The following NUMB variants were observed in gnomAD, a reference collection of about 807,000 sequenced individuals.
NUMB encodes NUMB endocytic adaptor protein, also known as protein numb homolog.
NUMB carries 29 observed loss-of-function variants against 59.7 expected under a neutral mutation model. That is an observed-to-expected ratio of 0.49 (90% CI 0.36 to 0.66). The LOEUF (loss-of-function observed/expected upper bound fraction) is 0.66. Among genes scored for constraint, NUMB ranks in the 30% least tolerant of loss-of-function variants. The probability of loss-of-function intolerance (pLI) is 0.00; values close to 1 mark genes in which losing one functional copy is unlikely to be tolerated. For synonymous variants in NUMB, 288 were observed against 288.2 expected (o/e 1.00, Z 0.01); for missense variants, 723 against 822.0 (o/e 0.88, Z 1.47).
intron 4 of NUMB, among the ~76,000 whole-genome samples, chr14:73,323,663 T>C (rs1891519242): frequency 6.6e-6 from 1 of 152,042 alleles, no homozygotes; most frequent in Non-Finnish European, 1.5e-5. Context: ...CAAACAAAAA[T>C]GACAGTTTTT....
At position 73,284,181 on chromosome 14, in the gene NUMB, A is replaced by C; in HGVS notation, c.849T>G (p.Leu283=). 3 of 1,614,224 alleles carry C rather than the reference A, an allele frequency of 1.9e-6. No individual in the cohort carries two copies. Among genetic ancestry groups the C allele is most frequent in the South Asian group, 2.2e-5 (2 of 91,086 alleles). The change falls in exon 10 of 13, where the codon CTT becomes CTG. Residue 283 remains leucine, a synonymous_variant. Transcript: ENST00000555238. The stretch of plus-strand genomic sequence containing the variant: ...GTTTAAAGGGTGACATCTTCTGGCT[A>C]AGAGCAGGAAAACCTCGGAAAGAGC... ...RQGSFRGFPA[L]SQKMSPFKRQ...
At chr14:73,422,852 G>A (rs140709489) in intron 1 of NUMB, among the ~76,000 whole-genome samples, 17 of 148,664 alleles carry the variant, frequency 1.1e-4, no homozygotes, top group East Asian at 4.0e-4. Flanking sequence ...ACATTTCAAC[G>A]TCAGATGTGG....
Position 73,434,163 on chromosome 14 carries a change from A to T in NUMB, c.-232-24095T>A, listed in dbSNP as rs180948304. On this transcript the variant is annotated intron_variant, in intron 1 of 12. Transcript: ENST00000555238. ...ACAATGATATGCTCAACAACAAAGTAAAACTGACTACATTTAATTTAATCC... is the reference window on the plus strand; with the variant it reads ...ACAATGATATGCTCAACAACAAAGTTAAACTGACTACATTTAATTTAATCC... Among the ~76,000 whole-genome samples, 65 of 152,338 alleles carry T rather than the reference A, an allele frequency of 4.3e-4. No individual in the cohort carries two copies. In the East Asian group the frequency reaches 0.011, roughly 25 times the overall value.
Position 73,282,406 on chromosome 14 carries a change from A to G in NUMB, c.1049T>C (p.Met350Thr), listed in dbSNP as rs1305840086. The G allele has an allele frequency of 6.2e-7, 1 of 1,614,120 alleles. No homozygotes were observed. Among genetic ancestry groups the G allele is most frequent in the African/African-American group, 1.3e-5 (1 of 74,934 alleles). The change falls in exon 11 of 13, where the codon ATG becomes ACG. Residue 350 changes from methionine to threonine, a missense_variant. By Grantham distance (81) the Met-to-Thr change is moderately conservative. Transcript: ENST00000555238. ...TGCCACCACTGTCACTGGTTTGGTC[A>G]TCGGAGCAGATGAGAAGGGGTCCTC... Reference protein sequence around the residue: ...TPEDPFSSAPMTKPVTVVAPQ... With the variant: ...TPEDPFSSAPTTKPVTVVAPQ...
At chr14:73,323,259 T>C in intron 4 of NUMB, 55 bp from the exon 5 acceptor site, 3 of 1,194,034 alleles carry the variant, frequency 2.5e-6, no homozygotes, top group East Asian at 2.4e-5. Context: ...GTAGCTACTA[T>C]ACAGTAAGCA....
At chr14:73,399,975 G>A (rs1445213342) in intron 2 of NUMB, among the ~76,000 whole-genome samples, 1 of 151,700 alleles carries the variant, frequency 6.6e-6, no homozygotes, top group Non-Finnish European at 1.5e-5. Context: ...GGAGATGGAG[G>A]TTGCAGTGAG....
chr14:73,351,477 ACT>A (rs1285002062), intron 4 of NUMB, among the ~76,000 whole-genome samples: 2 of 151,966 alleles, frequency 1.3e-5, no homozygotes, highest in Admixed American at 6.6e-5. Flanking sequence ...ACAGAGCAAG[ACT>A]CTGTCTCATA....
intron 1 of NUMB, among the ~76,000 whole-genome samples, chr14:73,455,711 A>G (rs1395645336): frequency 1.3e-5 from 2 of 152,192 alleles, no homozygotes; most frequent in African/African-American, 4.8e-5. Flanking sequence ...TTTACTCTCT[A>G]AAAAGGAAAT....
Position 73,276,155 on chromosome 14 carries a change from G to A in NUMB, c.*423C>T, listed in dbSNP as rs540535310. On this transcript the variant is annotated 3_prime_UTR_variant, in exon 13 of 13. Transcript: ENST00000555238. ...AGCCTGAGCACAAACCACTCTTCTT[G>A]ATCTCTAATACAGGCCACTACTGAC... is the stretch of plus-strand genomic sequence containing the variant. 8.1e-4 allele frequency: 131 copies of A among 160,834 alleles called. No individual in the cohort carries two copies. The highest frequency in any genetic ancestry group is 1.6e-3 in the Non-Finnish European group (118 of 72,730). The allele number at this position is 160,834 out of a possible 1,614,324, so 10.0% of individuals were successfully genotyped here.
At chr14:73,325,765 G>A (rs1438902762) in intron 4 of NUMB, among the ~76,000 whole-genome samples, 1 of 152,162 alleles carries the variant, frequency 6.6e-6, no homozygotes, top group Non-Finnish European at 1.5e-5. Flanking sequence ...AGAGAGTACA[G>A]GAGTCCCCCT....
At chr14:73,360,454 A>C (rs1894044502) in intron 3 of NUMB, among the ~76,000 whole-genome samples, 1 of 152,168 alleles carries the variant, frequency 6.6e-6, no homozygotes, top group African/African-American at 2.4e-5. Flanking sequence ...GCTACTCGGG[A>C]GGCTGAGGCA....
chr14:73,284,043 G>C, intron 10 of NUMB, 38 bp downstream of exon 10: 1 of 1,584,092 alleles, frequency 6.3e-7, no homozygotes, highest in Non-Finnish European at 8.7e-7. Context: ...ATGCTTCAGT[G>C]CTCGAGTACC....
intron 4 of NUMB, among the ~76,000 whole-genome samples, chr14:73,332,435 G>T (rs948637266): frequency 3.8e-4 from 57 of 151,762 alleles, no homozygotes; most frequent in Non-Finnish European, 1.0e-4. Flanking sequence ...TGTATTTTTA[G>T]TAGAGATAGA....
chr14:73,370,184 G>C (rs937124868), intron 2 of NUMB, among the ~76,000 whole-genome samples: 1 of 151,958 alleles, frequency 6.6e-6, no homozygotes, highest in African/African-American at 2.4e-5. Context: ...CACATGAGTA[G>C]GATTAATGGA....
intron 2 of NUMB, among the ~76,000 whole-genome samples, chr14:73,367,344 T>TAGAGAGAGAGAGAG (rs1480182542): frequency 0.018 from 1,544 of 83,980 alleles, 7 homozygotes; most frequent in Non-Finnish European, 0.026. Context: ...TATATATATA[T>TAGAGAGAGAGAGAG]ATATAGAGAG....
chr14:73,420,492 T>C (rs928674884), intron 1 of NUMB, among the ~76,000 whole-genome samples: 1 of 152,126 alleles, frequency 6.6e-6, no homozygotes, highest in Admixed American at 6.6e-5. Flanking sequence ...TAGGTGTGTG[T>C]AGGTGGGGAA....
chr14:73,277,023 G>C lies in NUMB; in HGVS notation c.1511C>G (p.Ala504Gly). 1.2e-6 allele frequency: 2 copies of C among 1,614,134 alleles called. No individual in the cohort carries two copies. Among genetic ancestry groups the C allele is most frequent in the South Asian group, 2.2e-5 (2 of 91,082 alleles). ...PVGVVPALQP[A>G]FVPAQSYPVA... The stretch of plus-strand genomic sequence containing the variant: ...AGGATAGGACTGGGCAGGGACAAAG[G>C]CTGGTTGCAGGGCTGGGACCACACC... Residue 504 changes from alanine to glycine, a missense_variant, in exon 13 of 13, where the codon GCC becomes GGC. By Grantham distance (60) the Ala-to-Gly change is moderately conservative. Transcript: ENST00000555238.
At chr14:73,394,001 T>C (rs61985842) in intron 2 of NUMB, among the ~76,000 whole-genome samples, 23,842 of 152,252 alleles carry the variant, frequency 0.16, 2,694 homozygotes, top group Non-Finnish European at 0.23. Context: ...AGTTTCACTC[T>C]TGTGCCCAGG....
At chr14:73,278,721 CTTTTTT>C (rs35813203) in intron 12 of NUMB, among the ~76,000 whole-genome samples, 4 of 58,058 alleles carry the variant, frequency 6.9e-5, no homozygotes, top group African/African-American at 3.1e-4. Flanking sequence ...GCCCTGGAAT[CTTTTTT>C]TTTTTTTTTT....
Sources: gnomAD v4.1 joint callset for allele counts (sites outside exome capture counted in the v4.1 genomes callset) on GRCh38, gnomAD v4.1.1 for gene constraint, MANE v1.5 for transcripts, NCBI Gene and HGNC (gene_info 2026-07-23, HGNC 2026-07-21) for gene names.